The following ZNF324 variants were observed in gnomAD, a reference collection of about 807,000 sequenced individuals.
The protein encoded by ZNF324 is zinc finger protein 324A.
Under a neutral mutation model 10.3 loss-of-function variants are expected in ZNF324, and 3 were observed. The observed-to-expected ratio is 0.29, with a 90% CI of 0.13 to 0.75. The LOEUF (loss-of-function observed/expected upper bound fraction) is 0.75. Ranked by LOEUF, ZNF324 falls within the 30% of genes least tolerant of loss-of-function variation. The pLI is 0.69. For synonymous variants in ZNF324, 430 were observed against 339.5 expected (o/e 1.27, Z -2.93); for missense variants, 763 against 784.4 (o/e 0.97, Z 0.33).
At chr19:58,468,834 TG>T (rs1253866465) in intron 1 of ZNF324, among the ~76,000 whole-genome samples, 1 of 151,734 alleles carries the variant, frequency 6.6e-6, no homozygotes, top group Non-Finnish European at 1.5e-5. Context: ...CTGAAGATGG[TG>T]GGGGCAGAAC....
intron 3 of ZNF324, 87 bp from the exon 4 acceptor site, chr19:58,470,644 G>A (rs774275838): frequency 6.5e-6 from 10 of 1,543,606 alleles, no homozygotes; most frequent in Admixed American, 5.0e-5. Context: ...TGCCAGCTCC[G>A]GGGTTCCTTC....
rs2053048743 is a variant in ZNF324, at chr19:58,472,738, T to A, written c.*584T>A. 1 of 152,796 alleles carries A rather than the reference T, an allele frequency of 6.5e-6. No individual in the cohort carries two copies. The highest frequency in any genetic ancestry group is 2.4e-5 in the African/African-American group (1 of 41,452). The allele number at this position is 152,796 out of a possible 1,614,324, so 9.5% of individuals were successfully genotyped here. ...AAAGGTTTGGGTCCACTGAACATCA[T>A]GTTTGTAGACGCTGACAGGTGGGGT... On this transcript the variant is annotated 3_prime_UTR_variant, in exon 4 of 4. Coordinates refer to ENST00000196482, the MANE Select transcript of ZNF324 (RefSeq NM_014347.3).
rs756008886 is a variant in ZNF324 at position 58,472,110 on chromosome 19, C to G, written c.1618C>G (p.Pro540Ala). ...GAPAKETEPT[P>A]ASGPAAVSQP... ...GCCAGCGAAGGAAACCGAGCCCACT[C>G]CCGCCTCGGGCCCAGCCGCCGTCTC... The change falls in exon 4 of 4, where the codon CCC (proline) becomes GCC (alanine). Residue 540 changes from proline to alanine, a missense_variant. Around this residue, in one of 3 missense-constraint regions of ZNF324, gnomAD observed 231 missense variants for 196.0 expected, o/e 1.18. Coordinates refer to ENST00000196482, the MANE Select transcript of ZNF324 (RefSeq NM_014347.3). 13 of 1,593,362 alleles carry G rather than the reference C, an allele frequency of 8.2e-6. No homozygotes were observed. The Admixed American group carries it at 1.5e-4, about 19-fold the overall frequency.
Position 58,473,183 on chromosome 19 carries a change from C to T in ZNF324, c.*1029C>T, listed in dbSNP as rs2053053351. ...TTCACCCCCAACCCTGTCTCACCCCCATTATCCCTCCTCAATTGGAGGCTG... is the reference window on the plus strand; with the variant it reads ...TTCACCCCCAACCCTGTCTCACCCCTATTATCCCTCCTCAATTGGAGGCTG... On this transcript the variant is annotated 3_prime_UTR_variant, in exon 4 of 4. Coordinates refer to ENST00000196482, the MANE Select transcript of ZNF324 (RefSeq NM_014347.3). The T allele has an allele frequency of 6.5e-6, 1 of 152,694 alleles. No homozygotes were observed. Among genetic ancestry groups the T allele is most frequent in the Admixed American group, 6.5e-5 (1 of 15,282 alleles). 9.5% of individuals were successfully genotyped at this position (152,694 alleles called of 1,614,324 possible).
rs973472535 is a variant in ZNF324 at position 58,475,295 on chromosome 19, G to C, written c.*3141G>C. 1 of 152,118 alleles carries C rather than the reference G, an allele frequency of 6.6e-6. No individual in the cohort carries two copies. The highest frequency in any genetic ancestry group is 2.4e-5 in the African/African-American group (1 of 41,406). The allele number at this position is 152,118 out of a possible 1,614,324, so 9.4% of individuals were successfully genotyped here. The stretch of plus-strand genomic sequence containing the variant: ...TTTAGGACTGACTAAGTAATGGCTC[G>C]GCCACTTTTAAGTGTGGAAGCAAAA... On this transcript the variant is annotated 3_prime_UTR_variant, in exon 4 of 4. Transcript: ENST00000196482.
rs147359722 is a variant in ZNF324 at position 58,471,183 on chromosome 19, C to G, written c.691C>G (p.Pro231Ala). Residue 231 changes from proline (P) to alanine (A), a missense_variant, in exon 4 of 4, where the codon CCT becomes GCT. Transcript: ENST00000196482. ...HHRMGAVWQEPHRLLGGQEPS... is the reference protein window; with the variant it reads ...HHRMGAVWQEAHRLLGGQEPS... Reference sequence around the variant, plus strand: ...CCGAATGGGTGCAGTTTGGCAGGAGCCTCATAGACTCCTCGGTGGCCAGGA... The same window carrying G: ...CCGAATGGGTGCAGTTTGGCAGGAGGCTCATAGACTCCTCGGTGGCCAGGA... The G allele has an allele frequency of 1.2e-6, 2 of 1,613,398 alleles. No individual in the cohort carries two copies. Among genetic ancestry groups the G allele is most frequent in the South Asian group, 1.1e-5 (1 of 91,074 alleles).
chr19:58,471,409 T>C lies in ZNF324; in HGVS notation c.917T>C (p.Ile306Thr). The C allele has an allele frequency of 6.2e-7, 1 of 1,612,430 alleles. No homozygotes were observed. Among genetic ancestry groups the C allele is most frequent in the Non-Finnish European group, 8.5e-7 (1 of 1,179,274 alleles). The change falls in exon 4 of 4, where the codon ATC becomes ACC. Residue 306 changes from isoleucine (I) to threonine (T), a missense_variant. This residue lies in a region of ZNF324 where 153 missense variants were observed against 269.0 expected (regional missense o/e 0.57). Coordinates refer to ENST00000196482, the MANE Select transcript of ZNF324 (RefSeq NM_014347.3). ...TCGCACTTGACGCAGCACCAGCGCA[T>C]CCACAGCGGCGAGACGCCCTACGCG... ...QTSHLTQHQR[I>T]HSGETPYACP...
At position 58,472,113 on chromosome 19, in the gene ZNF324, G is replaced by A. The variant is rs749063610; in HGVS notation, c.1621G>A (p.Ala541Thr). 11 of 1,592,748 alleles carry A rather than the reference G, an allele frequency of 6.9e-6. No homozygotes were observed. Among genetic ancestry groups the A allele is most frequent in the South Asian group, 1.1e-5 (1 of 90,476 alleles). Reference protein sequence around the residue: ...APAKETEPTPASGPAAVSQPA... With the variant: ...APAKETEPTPTSGPAAVSQPA... ...AGCGAAGGAAACCGAGCCCACTCCCGCCTCGGGCCCAGCCGCCGTCTCGCA... is the reference window on the plus strand; with the variant it reads ...AGCGAAGGAAACCGAGCCCACTCCCACCTCGGGCCCAGCCGCCGTCTCGCA... Residue 541 changes from alanine to threonine, a missense_variant, in exon 4 of 4, where the codon GCC (alanine) becomes ACC (threonine). Transcript: ENST00000196482.
Position 58,471,963 on chromosome 19 carries a change from C to T in ZNF324, c.1471C>T (p.Arg491Cys). 8 of 1,609,154 alleles carry T rather than the reference C, an allele frequency of 5.0e-6. No individual in the cohort carries two copies. Among genetic ancestry groups the T allele is most frequent in the Middle Eastern group, 1.7e-4 (1 of 6,058 alleles). ...GTGTACGCAGTGTGGCCGCGCCTTCCGTGAGCGCCCGGCCCTCTTCCACCA... is the reference window on the plus strand; with the variant it reads ...GTGTACGCAGTGTGGCCGCGCCTTCTGTGAGCGCCCGGCCCTCTTCCACCA... Reference protein sequence around the residue: ...FVCTQCGRAFRERPALFHHQR... With the variant: ...FVCTQCGRAFCERPALFHHQR... The change falls in exon 4 of 4, where the codon CGT (arginine) becomes TGT (cysteine). Residue 491 changes from arginine to cysteine, a missense_variant. By Grantham distance (180) the Arg-to-Cys change is radical. Around this residue, in one of 3 missense-constraint regions of ZNF324, gnomAD observed 231 missense variants for 196.0 expected, o/e 1.18. Coordinates refer to ENST00000196482, the MANE Select transcript of ZNF324 (RefSeq NM_014347.3).
intron 2 of ZNF324, among the ~76,000 whole-genome samples, 171 bp downstream of exon 2, chr19:58,469,477 CCTGTGGCGCTGTCCGG>C (rs2053009109): frequency 6.6e-6 from 1 of 152,242 alleles, no homozygotes; most frequent in African/African-American, 2.4e-5. Flanking sequence ...TCAACCACTC[CCTGTGGCGCTGTCCGG>C]CTGTGGCCTC....
chr19:58,469,911 C>T (rs951552459), intron 3 of ZNF324, 67 bp downstream of exon 3: 51 of 1,288,840 alleles, frequency 4.0e-5, no homozygotes, highest in Non-Finnish European at 4.3e-5. Flanking sequence ...TCCCTGGTTC[C>T]CAGACTCCCC....
At position 58,470,755 on chromosome 19, in the gene ZNF324, G is replaced by C. The variant is rs200380773; in HGVS notation, c.263G>C (p.Arg88Thr). ...GGTTCCTGGAGTTTGACAGAGGATAGAGATGTTTCTGGAGAATGGCCACGA... is the reference window on the plus strand; with the variant it reads ...GGTTCCTGGAGTTTGACAGAGGATACAGATGTTTCTGGAGAATGGCCACGA... ...NPGSWSLTED[R>T]DVSGEWPRAF... The change falls in exon 4 of 4, where the codon AGA (arginine) becomes ACA (threonine). Residue 88 changes from arginine (R) to threonine (T), a missense_variant. Transcript: ENST00000196482. 56 of 1,614,242 alleles carry C rather than the reference G, an allele frequency of 3.5e-5. 2 individuals are homozygous for C. In the Admixed American group the frequency reaches 7.8e-4, roughly 23 times the overall value.
rs971254805 is a variant in ZNF324, at chr19:58,469,433, G to A, written c.121+127G>A. ...TGCAGCCAGGAGCCATGTGGAATAG[G>A]GGTCTGGTCCTATAGACATGCAGTC... On this transcript the variant is annotated intron_variant, in intron 2 of 3. Coordinates refer to ENST00000196482, the MANE Select transcript of ZNF324 (RefSeq NM_014347.3). 2.3e-6 allele frequency: 3 copies of A among 1,309,738 alleles called. No individual in the cohort carries two copies. The Admixed American group carries it at 7.4e-5, about 33-fold the overall frequency. 81.1% of individuals were successfully genotyped at this position (1,309,738 alleles called of 1,614,324 possible). A position where few individuals can be genotyped will look rare whatever the true frequency, so the allele number is the denominator to read the frequency against.
At position 58,468,785 on chromosome 19, in the gene ZNF324, C is replaced by T. The variant is rs555273863; in HGVS notation, c.-6-395C>T. On this transcript the variant is annotated intron_variant, in intron 1 of 3. Coordinates refer to ENST00000196482, the MANE Select transcript of ZNF324 (RefSeq NM_014347.3). ...GCATCTGGGGTCTGGTCAGGGAGGGCAGAGGGGAGGGGTCCCAGACATGTG... is the reference window on the plus strand; with the variant it reads ...GCATCTGGGGTCTGGTCAGGGAGGGTAGAGGGGAGGGGTCCCAGACATGTG... 2.6e-5 allele frequency among the ~76,000 whole-genome samples: 4 copies of T among 151,834 alleles called. No homozygotes were observed. In the East Asian group the frequency reaches 7.8e-4, roughly 30 times the overall value.
In ZNF324 at chr19:58,470,986, C is replaced by T. The variant is rs375263739; in HGVS notation, c.494C>T (p.Pro165Leu). 20 of 1,614,086 alleles carry T rather than the reference C, an allele frequency of 1.2e-5. No individual in the cohort carries two copies. The highest frequency in any genetic ancestry group is 1.1e-4 in the African/African-American group (8 of 74,936). The change falls in exon 4 of 4, where the codon CCG (proline) becomes CTG (leucine). Residue 165 changes from proline (P) to leucine (L), a missense_variant. By Grantham distance (98) the Pro-to-Leu change is moderately conservative. Around this residue, in one of 3 missense-constraint regions of ZNF324, gnomAD observed 379 missense variants for 319.4 expected, o/e 1.19. Coordinates refer to ENST00000196482, the MANE Select transcript of ZNF324 (RefSeq NM_014347.3). ...QASVSLRLTSPLRPPEGVRLR... is the reference protein window; with the variant it reads ...QASVSLRLTSLLRPPEGVRLR... ...AGCGTCAGCCTGCGACTGACCTCCC[C>T]GCTTAGGCCTCCCGAGGGCGTCCGG...
rs1238319725 is a variant in ZNF324, at chr19:58,467,187, CT to C, written c.-7+5del. ...CTCGAGGCTGGCGGCGAGGAAGGTACTGGCTGAGGGCCCGCGTCGGGCCCGC... is the reference window on the plus strand; with the variant it reads ...CTCGAGGCTGGCGGCGAGGAAGGTACGGCTGAGGGCCCGCGTCGGGCCCGC... On this transcript the variant is annotated splice_donor_5th_base_variant and intron_variant, in intron 1 of 3. Coordinates refer to ENST00000196482, the MANE Select transcript of ZNF324 (RefSeq NM_014347.3). 1 of 153,916 alleles carries C rather than the reference CT, an allele frequency of 6.5e-6. No individual in the cohort carries two copies. Among genetic ancestry groups the C allele is most frequent in the Non-Finnish European group, 1.4e-5 (1 of 69,242 alleles). 9.5% of individuals were successfully genotyped at this position (153,916 alleles called of 1,614,324 possible).
chr19:58,473,325 G>A lies in ZNF324; in HGVS notation c.*1171G>A, dbSNP rs2053054716. 6.7e-6 allele frequency: 1 copy of A among 149,510 alleles called. No homozygotes were observed. The highest frequency in any genetic ancestry group is 1.5e-5 in the Non-Finnish European group (1 of 67,762). 9.3% of individuals were successfully genotyped at this position (149,510 alleles called of 1,614,324 possible). A position where few individuals can be genotyped will look rare whatever the true frequency, so the allele number is the denominator to read the frequency against. On this transcript the variant is annotated 3_prime_UTR_variant, in exon 4 of 4. Coordinates refer to ENST00000196482, the MANE Select transcript of ZNF324 (RefSeq NM_014347.3). ...TGGCAGGGACAGAAAGGTGGACTGGGGGCCATTTGCTTCCTGTGGCCTTCA... is the reference window on the plus strand; with the variant it reads ...TGGCAGGGACAGAAAGGTGGACTGGAGGCCATTTGCTTCCTGTGGCCTTCA...
chr19:58,470,535 A>C, intron 3 of ZNF324, 196 bp from the exon 4 acceptor site: 1 of 714,216 alleles, frequency 1.4e-6, no homozygotes, highest in Non-Finnish European at 2.5e-6. Context: ...GGGAGTGCCC[A>C]GTGTAGTCAG....
chr19:58,471,828 C>T lies in ZNF324; in HGVS notation c.1336C>T (p.Leu446=). 1 of 1,613,042 alleles carries T rather than the reference C, an allele frequency of 6.2e-7. No individual in the cohort carries two copies. Among genetic ancestry groups the T allele is most frequent in the Non-Finnish European group, 8.5e-7 (1 of 1,179,856 alleles). ...CTCCAACCTCACCCAGCACCAGCTC[C>T]TGCACACGGGCGAGCGGCCCTTCCG... ...HSSNLTQHQL[L]HTGERPFRCV... The change falls in exon 4 of 4, where the codon CTG becomes TTG. Residue 446 remains leucine, a synonymous_variant. Coordinates refer to ENST00000196482, the MANE Select transcript of ZNF324 (RefSeq NM_014347.3).
Sources: allele counts gnomAD v4.1 joint callset (sites outside exome capture counted in the v4.1 genomes callset), GRCh38; gene constraint gnomAD v4.1.1; regional missense constraint gnomAD v4.1.1; transcripts MANE v1.5; gene names NCBI Gene and HGNC (gene_info 2026-07-23, HGNC 2026-07-21).